Variants in RALGAPA1 observed in about 807,000 individuals in gnomAD.
The protein encoded by RALGAPA1 is Ral GTPase activating protein catalytic subunit alpha 1, also known as ral GTPase-activating protein subunit alpha-1.
RALGAPA1 carries 52 observed loss-of-function variants against 269.6 expected under a neutral mutation model. That is an observed-to-expected ratio of 0.19 (90% CI 0.15 to 0.24). RALGAPA1 has a LOEUF of 0.24. RALGAPA1 is among the 10% of genes least tolerant of loss of function. RALGAPA1 has a pLI of 1.00. For missense variants in RALGAPA1, 1,917 were observed against 3,013.9 expected (o/e 0.64, Z 8.52); for synonymous variants, 817 against 1,008.3 (o/e 0.81, Z 3.60).
rs566892162 is a variant in RALGAPA1, at chr14:35,754,442, T to C, written c.664-2280A>G. Among the ~76,000 whole-genome samples, 4 of 152,184 alleles carry C rather than the reference T, an allele frequency of 2.6e-5. No homozygotes were observed. The East Asian group carries it at 5.8e-4, about 22-fold the overall frequency. ...AGACACTTCACCCAAGATATATGGA[T>C]GAAAAATAAGCACATAAAAAGATAT... On this transcript the variant is annotated intron_variant, in intron 7 of 41. Coordinates refer to ENST00000680220, the MANE Select transcript of RALGAPA1 (RefSeq NM_001346249.2).
intron 31 of RALGAPA1, among the ~76,000 whole-genome samples, chr14:35,649,629 T>C (rs1481889927): frequency 6.6e-6 from 1 of 152,252 alleles, no homozygotes; most frequent in African/African-American, 2.4e-5. Flanking sequence ...AATAATTTTC[T>C]GATTCTACTG....
chr14:35,607,398 T>C (rs953785806), intron 35 of RALGAPA1, among the ~76,000 whole-genome samples: 2 of 152,188 alleles, frequency 1.3e-5, no homozygotes, highest in African/African-American at 4.8e-5. Context: ...TCTAGCCCCA[T>C]GTTACAGAAG....
At position 35,735,038 on chromosome 14, in the gene RALGAPA1, A is replaced by T. The variant is rs544578705; in HGVS notation, c.1587+3475T>A. ...CCTGCAAGAATGGCCATAATAATAA[A>T]AAAAAAAAAAAATCAAAAAACACTA... On this transcript the variant is annotated intron_variant, in intron 12 of 41. Transcript: ENST00000680220. Among the ~76,000 whole-genome samples the T allele has an allele frequency of 2.6e-3, 385 of 150,818 alleles. 1 individual carries two copies. The highest frequency in any genetic ancestry group is 7.9e-3 in the African/African-American group (325 of 41,016).
chr14:35,568,736 C>T (rs1399326280), intron 39 of RALGAPA1, among the ~76,000 whole-genome samples: 3 of 152,154 alleles, frequency 2.0e-5, no homozygotes, highest in African/African-American at 7.2e-5. Flanking sequence ...TGAATAGTTC[C>T]TCCTAATGCT....
At chr14:35,672,545 G>A (rs1371242725) in intron 25 of RALGAPA1, among the ~76,000 whole-genome samples, 3 of 151,996 alleles carry the variant, frequency 2.0e-5, no homozygotes, top group Non-Finnish European at 4.4e-5. Context: ...ATGCCTAAGA[G>A]TAGGTACATT....
At chr14:35,791,904 CAA>C (rs773722682) in intron 1 of RALGAPA1, among the ~76,000 whole-genome samples, 1 of 11,774 alleles carries the variant, frequency 8.5e-5, no homozygotes, top group Non-Finnish European at 2.1e-4. Flanking sequence ...GACTCTGTCT[CAA>C]AAAAAAAAAA....
chr14:35,633,341 T>A (rs763892374), intron 33 of RALGAPA1, among the ~76,000 whole-genome samples: 1 of 152,270 alleles, frequency 6.6e-6, no homozygotes, highest in South Asian at 2.1e-4. Flanking sequence ...TTATATAAAT[T>A]TTGTCTAATT....
intron 13 of RALGAPA1, among the ~76,000 whole-genome samples, chr14:35,726,934 A>G (rs1341767051): frequency 6.6e-6 from 1 of 152,150 alleles, no homozygotes; most frequent in East Asian, 1.9e-4. Context: ...TATTATCTGT[A>G]TCATAGGGTG....
At chr14:35,754,681 A>G (rs1164943876) in intron 7 of RALGAPA1, among the ~76,000 whole-genome samples, 1 of 152,168 alleles carries the variant, frequency 6.6e-6, no homozygotes, top group Non-Finnish European at 1.5e-5. Flanking sequence ...GTCAATATAT[A>G]CCCCTACTAT....
At position 35,600,232 on chromosome 14, in the gene RALGAPA1, C is replaced by CTTTTTTTTTTTTTTTTTTT. The variant is rs71124708; in HGVS notation, c.7054-4444_7054-4443insAAAAAAAAAAAAAAAAAAA. ...TCCTTTTTTTTCTTTTTCTTTTTTT[C>CTTTTTTTTTTTTTTTTTTT]TTTTTTTTTTTTTTTTTGAGACAGG... On this transcript the variant is annotated intron_variant, in intron 36 of 41. Transcript: ENST00000680220. Among the ~76,000 whole-genome samples the CTTTTTTTTTTTTTTTTTTT allele has an allele frequency of 7.2e-4, 63 of 86,932 alleles. 1 individual carries two copies. Among genetic ancestry groups the CTTTTTTTTTTTTTTTTTTT allele is most frequent in the African/African-American group, 2.1e-3 (48 of 22,880 alleles). 57.0% of individuals were successfully genotyped at this position (86,932 alleles called of 152,430 possible).
At position 35,689,781 on chromosome 14, in the gene RALGAPA1, G is replaced by A. The variant is rs1184938687; in HGVS notation, c.2630C>T (p.Ser877Phe). The A allele has an allele frequency of 1.3e-6, 2 of 1,529,850 alleles. No individual in the cohort carries two copies. Among genetic ancestry groups the A allele is most frequent in the Non-Finnish European group, 1.7e-6 (2 of 1,147,396 alleles). 94.8% of individuals were successfully genotyped at this position (1,529,850 alleles called of 1,614,324 possible). A position where few individuals can be genotyped will look rare whatever the true frequency, so the allele number is the denominator to read the frequency against. ...TCTAGTTATTGAAGAAGCCTCTGTG[G>A]AACTCTGCAAGCTTGGTGCATGACG... ...SSRHAPSLQS[S>F]TEASSITRST... The change falls in exon 18 of 42, where the codon TCC becomes TTC. Residue 877 changes from serine to phenylalanine, a missense_variant. Ser to Phe is a radical substitution (Grantham distance 155). Coordinates refer to ENST00000680220, the MANE Select transcript of RALGAPA1 (RefSeq NM_001346249.2).
chr14:35,558,187 T>A lies in RALGAPA1; in HGVS notation c.7497-8953A>T, dbSNP rs543107358. Among the ~76,000 whole-genome samples, 4 of 152,272 alleles carry A rather than the reference T, an allele frequency of 2.6e-5. 1 individual carries two copies. The highest frequency in any genetic ancestry group is 9.6e-5 in the African/African-American group (4 of 41,566). On this transcript the variant is annotated intron_variant, in intron 39 of 41. Coordinates refer to ENST00000680220, the MANE Select transcript of RALGAPA1 (RefSeq NM_001346249.2). Reference sequence around the variant, plus strand: ...AGATAATCATACACGACTGAAATAGTTATGAGCTACTCACTTAAATGATAA... The same window carrying A: ...AGATAATCATACACGACTGAAATAGATATGAGCTACTCACTTAAATGATAA...
At chr14:35,571,079 T>C (rs1329412381) in intron 38 of RALGAPA1, among the ~76,000 whole-genome samples, 1 of 152,188 alleles carries the variant, frequency 6.6e-6, no homozygotes, top group Non-Finnish European at 1.5e-5. Context: ...CTCCATTGAG[T>C]GAACAAAAGA....
At chr14:35,567,933 A>C (rs935789757) in intron 39 of RALGAPA1, among the ~76,000 whole-genome samples, 8 of 152,174 alleles carry the variant, frequency 5.3e-5, no homozygotes, top group African/African-American at 1.4e-4. Context: ...ACCTTTAATG[A>C]AATGACAGAG....
At chr14:35,747,525 G>A (rs765608519) in intron 10 of RALGAPA1, among the ~76,000 whole-genome samples, 5 of 152,194 alleles carry the variant, frequency 3.3e-5, no homozygotes, top group African/African-American at 4.8e-5. Context: ...AGGCTGACAA[G>A]GCTAATGCTG....
intron 10 of RALGAPA1, among the ~76,000 whole-genome samples, chr14:35,746,837 T>C (rs2072155567): frequency 6.6e-6 from 1 of 151,180 alleles, no homozygotes; most frequent in South Asian, 2.1e-4. Context: ...GGTAAAAAAA[T>C]AACTTTAGAA....
At chr14:35,789,074 C>T (rs1389870993) in intron 1 of RALGAPA1, among the ~76,000 whole-genome samples, 1 of 152,080 alleles carries the variant, frequency 6.6e-6, no homozygotes, top group East Asian at 1.9e-4. Flanking sequence ...ATAAAAAAAT[C>T]AAACTACTAG....
chr14:35,802,547 T>C (rs758657051), intron 1 of RALGAPA1, among the ~76,000 whole-genome samples: 5 of 152,024 alleles, frequency 3.3e-5, no homozygotes, highest in South Asian at 2.1e-4. Context: ...CCTAAGTAGG[T>C]GGAGAAACGC....
chr14:35,805,819 G>A (rs1216901948), intron 1 of RALGAPA1, among the ~76,000 whole-genome samples: 2 of 151,610 alleles, frequency 1.3e-5, no homozygotes, highest in East Asian at 3.9e-4. Flanking sequence ...TGAGTAGCTG[G>A]GACTACAGGT....
Sources: gnomAD v4.1 joint callset for allele counts (sites outside exome capture counted in the v4.1 genomes callset) on GRCh38, gnomAD v4.1.1 for gene constraint, MANE v1.5 for transcripts, NCBI Gene and HGNC (gene_info 2026-07-23, HGNC 2026-07-21) for gene names.